Variants in GMDS observed in about 807,000 individuals in gnomAD.
GMDS encodes the protein GDP-mannose 4,6 dehydratase.
A neutral mutation model predicts 49.9 loss-of-function variants in GMDS; 20 were observed. The ratio of observed to expected loss-of-function variants is 0.40; its 90% CI spans 0.28 to 0.58. The LOEUF is 0.58. Ranked by LOEUF, GMDS falls within the 20% of genes least tolerant of loss-of-function variation. The probability of loss-of-function intolerance (pLI) is 0.42; values close to 1 mark genes in which losing one functional copy is unlikely to be tolerated. For synonymous variants in GMDS, 177 were observed against 178.6 expected, an observed-to-expected ratio of 0.99 and a Z score of 0.07; for missense variants, 362 against 481.4, an observed-to-expected ratio of 0.75 and a Z score of 2.32.
At chr6:1,945,821 C>G (rs1426960667) in intron 6 of GMDS, among the ~76,000 whole-genome samples, 1 of 152,224 alleles carries the variant, frequency 6.6e-6, no homozygotes, top group Non-Finnish European at 1.5e-5. Context: ...AAGAGAATCA[C>G]AGAAAAGCGG....
In GMDS at chr6:1,632,385, G is replaced by A. The variant is rs556641517; in HGVS notation, c.988-7845C>T. Among the ~76,000 whole-genome samples the A allele has an allele frequency of 1.4e-4, 22 of 152,292 alleles. No homozygotes were observed. The South Asian group carries it at 3.9e-3, about 27-fold the overall frequency. ...TGCTGTATGTGAGGTCCCAGAAGAG[G>A]CATCCATGGTTATAGAAACGAGACT... On this transcript the variant is annotated intron_variant, in intron 9 of 10. Coordinates refer to ENST00000380815, the MANE Select transcript of GMDS (RefSeq NM_001500.4).
At chr6:2,028,468 A>T (rs1351281032) in intron 4 of GMDS, among the ~76,000 whole-genome samples, 2 of 152,178 alleles carry the variant, frequency 1.3e-5, no homozygotes, top group African/African-American at 2.4e-5. Context: ...CAAAACAAAA[A>T]TTCTTAGGAC....
chr6:1,840,786 G>GA (rs1757121315), intron 7 of GMDS, among the ~76,000 whole-genome samples: 1 of 152,152 alleles, frequency 6.6e-6, no homozygotes, highest in African/African-American at 2.4e-5. Flanking sequence ...TTAAAAAAAG[G>GA]AAAAATTTGT....
At chr6:1,940,823 T>C (rs895695445) in intron 6 of GMDS, among the ~76,000 whole-genome samples, 1 of 152,258 alleles carries the variant, frequency 6.6e-6, no homozygotes, top group Non-Finnish European at 1.5e-5. Context: ...TAAGTCTTCC[T>C]TTCAGGTTTT....
chr6:2,173,607 G>T (rs539219492), intron 1 of GMDS, among the ~76,000 whole-genome samples: 1 of 152,186 alleles, frequency 6.6e-6, no homozygotes, highest in African/African-American at 2.4e-5. Flanking sequence ...GAGAAGTAGT[G>T]AAAACAGGAA....
chr6:1,923,024 C>G (rs1021839170), intron 7 of GMDS, among the ~76,000 whole-genome samples: 11 of 152,186 alleles, frequency 7.2e-5, no homozygotes, highest in Non-Finnish European at 1.5e-4. Flanking sequence ...AGGGGAACCC[C>G]TTTCACTTGG....
rs184666877 is a variant in GMDS at position 2,100,077 on chromosome 6, C to T, written c.345+15694G>A. ...ATGGGAAAACTGAGGCCCAGAGAGA[C>T]TATGTGTCTTCCTCACAGGTTTGTT... On this transcript the variant is annotated intron_variant, in intron 4 of 10. Transcript: ENST00000380815. Among the ~76,000 whole-genome samples the T allele has an allele frequency of 3.6e-4, 55 of 152,146 alleles. 1 individual carries two copies. Among genetic ancestry groups the T allele is most frequent in the African/African-American group, 1.3e-3 (54 of 41,566 alleles).
chr6:2,115,684 T>C, intron 4 of GMDS, 87 bp downstream of exon 4: 1 of 755,350 alleles, frequency 1.3e-6, no homozygotes, highest in Non-Finnish European at 2.4e-6. Flanking sequence ...CCAGTGATTA[T>C]ATTACTACAC....
At chr6:2,209,844 A>G (rs571865128) in intron 1 of GMDS, among the ~76,000 whole-genome samples, 67 of 152,264 alleles carry the variant, frequency 4.4e-4, no homozygotes, top group Admixed American at 7.8e-4. Flanking sequence ...GCTGTTTCAG[A>G]TAAACCAAGA....
At chr6:2,193,279 G>A (rs140849290) in intron 1 of GMDS, among the ~76,000 whole-genome samples, 15 of 152,198 alleles carry the variant, frequency 9.9e-5, no homozygotes, top group Admixed American at 2.6e-4. Context: ...TAGGCACAAC[G>A]TATGTGTTAC....
chr6:1,944,738 G>T (rs552736566), intron 6 of GMDS, among the ~76,000 whole-genome samples: 4 of 150,562 alleles, frequency 2.7e-5, no homozygotes, highest in South Asian at 4.2e-4. Context: ...TTGGCTTATA[G>T]CCACCCAGCA....
At position 1,908,750 on chromosome 6, in the gene GMDS, G is replaced by C. The variant is rs74709696; in HGVS notation, c.771+21353C>G. Among the ~76,000 whole-genome samples, 1,421 of 152,280 alleles carry C rather than the reference G, an allele frequency of 9.3e-3. 71 individuals carry two copies. In the East Asian group the frequency reaches 0.15, roughly 16 times the overall value. On this transcript the variant is annotated intron_variant, in intron 7 of 10. Transcript: ENST00000380815. ...GGTAAGCTCTTCCCTACGGCTGTTT[G>C]CTCAGACAGCTGGACATGTATTGGA...
chr6:1,997,023 G>C (rs1561957984), intron 4 of GMDS, among the ~76,000 whole-genome samples: 1 of 151,854 alleles, frequency 6.6e-6, no homozygotes, highest in African/African-American at 2.4e-5. Flanking sequence ...TGAGAGGAGG[G>C]AACGGCCATG....
chr6:1,807,964 C>T (rs1157493546), intron 7 of GMDS, among the ~76,000 whole-genome samples: 6 of 152,214 alleles, frequency 3.9e-5, no homozygotes, highest in South Asian at 2.1e-4. Context: ...GCCACAGATT[C>T]GGAGAAATAT....
At chr6:1,961,950 T>C (rs2127299086) in intron 4 of GMDS, among the ~76,000 whole-genome samples, 1 of 152,312 alleles carries the variant, frequency 6.6e-6, no homozygotes. Flanking sequence ...CATTTAGGCC[T>C]GTGAGTAAAG....
intron 4 of GMDS, among the ~76,000 whole-genome samples, chr6:2,092,052 A>G (rs1262329674): frequency 6.6e-6 from 1 of 152,228 alleles, no homozygotes; most frequent in East Asian, 1.9e-4. Flanking sequence ...AAAAATAGAA[A>G]TATACAAAAA....
At chr6:1,754,318 T>G (rs1384772970) in intron 7 of GMDS, among the ~76,000 whole-genome samples, 1 of 152,092 alleles carries the variant, frequency 6.6e-6, no homozygotes, top group East Asian at 1.9e-4. Context: ...ACATACACCC[T>G]CCCAAGACTA....
intron 4 of GMDS, among the ~76,000 whole-genome samples, chr6:2,058,406 G>T (rs147683171): frequency 2.0e-5 from 3 of 148,288 alleles, no homozygotes; most frequent in African/African-American, 4.9e-5. Context: ...CCCTAAAAAA[G>T]ATACTGGTGC....
chr6:2,051,272 C>T (rs990430051), intron 4 of GMDS, among the ~76,000 whole-genome samples: 2 of 152,184 alleles, frequency 1.3e-5, no homozygotes, highest in African/African-American at 2.4e-5. Flanking sequence ...CCTGTAAGAA[C>T]CATAAGACAG....
Sources: gnomAD v4.1 joint callset for allele counts (sites outside exome capture counted in the v4.1 genomes callset) on GRCh38, gnomAD v4.1.1 for gene constraint, MANE v1.5 for transcripts, NCBI Gene and HGNC (gene_info 2026-07-23, HGNC 2026-07-21) for gene names.